MED13L: variants seen among roughly 807,000 people sequenced by gnomAD.
MED13L encodes the protein mediator of RNA polymerase II transcription subunit 13-like.
A neutral mutation model predicts 220.9 loss-of-function variants in MED13L; 7 were observed. That is an observed-to-expected ratio of 0.03 (90% CI 0.02 to 0.06). The LOEUF (loss-of-function observed/expected upper bound fraction) is 0.06. MED13L is among the 10% of genes least tolerant of loss of function. The pLI is 1.00. For missense variants in MED13L, 1,965 were observed against 2,760.5 expected (o/e 0.71, Z 6.46); for synonymous variants, 1,011 against 1,015.2 (o/e 1.00, Z 0.08).
chr12:115,994,801 A>C (rs1878294190), intron 16 of MED13L, among the ~76,000 whole-genome samples: 2 of 152,190 alleles, frequency 1.3e-5, no homozygotes, highest in African/African-American at 4.8e-5. Flanking sequence ...CAATCGGAGC[A>C]CAGCAGCAGC....
At chr12:116,107,191 C>A (rs1368963242) in intron 3 of MED13L, among the ~76,000 whole-genome samples, 1 of 152,094 alleles carries the variant, frequency 6.6e-6, no homozygotes, top group Non-Finnish European at 1.5e-5. Flanking sequence ...AACACGTACC[C>A]CCAAAAAGAG....
intron 1 of MED13L, among the ~76,000 whole-genome samples, chr12:116,264,901 G>A (rs932171121): frequency 1.3e-5 from 2 of 152,162 alleles, no homozygotes; most frequent in Non-Finnish European, 2.9e-5. Flanking sequence ...GCTGAGGCAA[G>A]AGGATTACTT....
intron 4 of MED13L, among the ~76,000 whole-genome samples, chr12:116,062,310 G>A (rs1303679014): frequency 6.6e-6 from 1 of 151,124 alleles, no homozygotes; most frequent in Non-Finnish European, 1.5e-5. Context: ...GAATCACCAA[G>A]ACCAGCTAAT....
At chr12:116,213,341 T>C (rs1882818112) in intron 2 of MED13L, among the ~76,000 whole-genome samples, 1 of 152,152 alleles carries the variant, frequency 6.6e-6, no homozygotes, top group Non-Finnish European at 1.5e-5. Context: ...GGGGCAAATG[T>C]TTTGAAGTAA....
intron 1 of MED13L, 164 bp downstream of exon 1, chr12:116,276,896 G>T: frequency 1.0e-6 from 1 of 984,352 alleles, no homozygotes; most frequent in Non-Finnish European, 1.5e-6. Context: ...CAAGGCGAGA[G>T]AGAGACGATC....
rs146422526 is a variant in MED13L at position 116,190,732 on chromosome 12, G to A, written c.310+46736C>T. Reference sequence around the variant, plus strand: ...TACTTTTTTAAAAACATGTGAAAACGATACAATTTGACCTTGTCAATCAAA... The same window carrying A: ...TACTTTTTTAAAAACATGTGAAAACAATACAATTTGACCTTGTCAATCAAA... On this transcript the variant is annotated intron_variant, in intron 2 of 30. Coordinates refer to ENST00000281928, the MANE Select transcript of MED13L (RefSeq NM_015335.5). 5.5e-4 allele frequency among the ~76,000 whole-genome samples: 83 copies of A among 152,140 alleles called. 1 individual carries two copies. Among genetic ancestry groups the A allele is most frequent in the Admixed American group, 5.2e-4 (8 of 15,292 alleles).
chr12:116,131,680 A>G (rs1876077697), intron 2 of MED13L, among the ~76,000 whole-genome samples: 1 of 152,176 alleles, frequency 6.6e-6, no homozygotes, highest in Non-Finnish European at 1.5e-5. Context: ...TCCCATTGCA[A>G]TCACATTTTA....
At chr12:115,962,594 T>C (rs552323746) in intron 30 of MED13L, 34 of 152,332 alleles carry the variant, frequency 2.2e-4, no homozygotes, top group African/African-American at 7.9e-4. Context: ...TTTCCTATCA[T>C]TTCCTAACCA....
intron 4 of MED13L, among the ~76,000 whole-genome samples, chr12:116,057,436 G>A (rs774570549): frequency 1.6e-4 from 24 of 151,846 alleles, no homozygotes; most frequent in Non-Finnish European, 2.9e-4. Context: ...TGCATTATGG[G>A]TGGTTCAGTA....
chr12:116,171,828 A>AT (rs906466934), intron 2 of MED13L, among the ~76,000 whole-genome samples: 3 of 152,002 alleles, frequency 2.0e-5, no homozygotes, highest in Non-Finnish European at 4.4e-5. Context: ...CTACCAACCA[A>AT]TTTTTTTAAA....
intron 2 of MED13L, among the ~76,000 whole-genome samples, chr12:116,127,479 T>G (rs1260767561): frequency 6.6e-6 from 1 of 152,190 alleles, no homozygotes; most frequent in African/African-American, 2.4e-5. Flanking sequence ...ATTTTAAATA[T>G]AAGTACCCCT....
intron 2 of MED13L, among the ~76,000 whole-genome samples, chr12:116,118,754 T>C (rs1874743506): frequency 6.6e-6 from 1 of 152,128 alleles, no homozygotes; most frequent in Non-Finnish European, 1.5e-5. Context: ...TGATCAACAT[T>C]AACTAGACAA....
chr12:116,103,945 C>G (rs929009146), intron 3 of MED13L, among the ~76,000 whole-genome samples: 1 of 150,890 alleles, frequency 6.6e-6, no homozygotes, highest in African/African-American at 2.4e-5. Context: ...CCACCATGCT[C>G]CAGTGAGTAT....
At chr12:116,271,222 AGT>A (rs771999827) in intron 1 of MED13L, among the ~76,000 whole-genome samples, 8 of 150,170 alleles carry the variant, frequency 5.3e-5, no homozygotes, top group East Asian at 3.9e-4. Flanking sequence ...TGTGTGTGTG[AGT>A]GTGTGCGCTA....
chr12:116,249,760 A>G (rs901478828), intron 1 of MED13L, among the ~76,000 whole-genome samples: 38 of 120,958 alleles, frequency 3.1e-4, no homozygotes, highest in African/African-American at 1.1e-3. Context: ...AAAAAAAAAA[A>G]GTCAGGGCTT....
At chr12:116,171,245 A>G (rs1355472363) in intron 2 of MED13L, among the ~76,000 whole-genome samples, 1 of 152,220 alleles carries the variant, frequency 6.6e-6, no homozygotes, top group Non-Finnish European at 1.5e-5. Context: ...ACAAACAGAA[A>G]TCTGCCCACT....
intron 2 of MED13L, among the ~76,000 whole-genome samples, chr12:116,172,399 G>A (rs183876794): frequency 1.4e-4 from 21 of 152,232 alleles, no homozygotes; most frequent in Admixed American, 6.5e-4. Flanking sequence ...TGTCACTGCC[G>A]CAGATATTTT....
intron 2 of MED13L, among the ~76,000 whole-genome samples, chr12:116,118,353 A>G (rs1033174087): frequency 2.6e-5 from 4 of 152,168 alleles, no homozygotes; most frequent in African/African-American, 9.6e-5. Flanking sequence ...AAGTTAACAA[A>G]CAAAATTTAA....
At chr12:116,133,435 C>T (rs765864951) in intron 2 of MED13L, among the ~76,000 whole-genome samples, 1 of 152,110 alleles carries the variant, frequency 6.6e-6, no homozygotes, top group Non-Finnish European at 1.5e-5. Context: ...TTCAGCATGA[C>T]GGTAGACCAG....
Sources: gnomAD v4.1 joint callset for allele counts (sites outside exome capture counted in the v4.1 genomes callset) on GRCh38, gnomAD v4.1.1 for gene constraint, MANE v1.5 for transcripts, NCBI Gene and HGNC (gene_info 2026-07-23, HGNC 2026-07-21) for gene names.